The following PHAF1 variants were observed in gnomAD, a reference collection of about 807,000 sequenced individuals.
PHAF1 encodes the protein phagosome assembly factor 1.
PHAF1 carries 23 observed loss-of-function variants against 63.1 expected under a neutral mutation model. That is an observed-to-expected ratio of 0.36 (90% CI 0.26 to 0.52). The LOEUF is 0.52. PHAF1 is among the 20% of genes least tolerant of loss of function. The pLI, the probability that PHAF1 is intolerant of heterozygous loss-of-function variation, is 0.93. For synonymous variants in PHAF1, 167 were observed against 185.0 expected, an observed-to-expected ratio of 0.90 and a Z score of 0.79; for missense variants, 427 against 517.2, an observed-to-expected ratio of 0.83 and a Z score of 1.69.
chr16:67,126,691 C>A (rs1304350560), intron 3 of PHAF1, among the ~76,000 whole-genome samples: 4 of 149,332 alleles, frequency 2.7e-5, no homozygotes, highest in South Asian at 2.1e-4. Context: ...TGGGTTCAAG[C>A]GATTCTTCTG....
chr16:67,141,467 A>T (rs922596073), intron 10 of PHAF1, among the ~76,000 whole-genome samples: 1 of 152,060 alleles, frequency 6.6e-6, no homozygotes, highest in Non-Finnish European at 1.5e-5. Flanking sequence ...CTTTGCCCCA[A>T]TTTTTGCTTG....
intron 2 of PHAF1, among the ~76,000 whole-genome samples, chr16:67,125,524 T>C (rs1173592488): frequency 4.6e-5 from 7 of 152,214 alleles, no homozygotes; most frequent in African/African-American, 1.7e-4. Context: ...GTTCAGCTGA[T>C]AGGCATAAGC....
chr16:67,146,266 C>T lies in PHAF1; in HGVS notation c.1110-12C>T. 2 of 1,612,038 alleles carry T rather than the reference C, an allele frequency of 1.2e-6. No homozygotes were observed. Among genetic ancestry groups the T allele is most frequent in the Non-Finnish European group, 1.7e-6 (2 of 1,178,180 alleles). On this transcript the variant is annotated splice_polypyrimidine_tract_variant and intron_variant, in intron 14 of 15. Transcript: ENST00000219139. ...CTGTCTGCCTCTCTAATTCTGAATTCTTTGGCCTCAGGTCTTCCTCCCCAA... is the reference window on the plus strand; with the variant it reads ...CTGTCTGCCTCTCTAATTCTGAATTTTTTGGCCTCAGGTCTTCCTCCCCAA...
chr16:67,147,436 C>T lies in PHAF1; in HGVS notation c.*305C>T. On this transcript the variant is annotated 3_prime_UTR_variant, in exon 16 of 16. Transcript: ENST00000219139. ...TAACAAGGAGGCAGGAGAGGTCAAC[C>T]CTTGTCCCATGCACATTGGGAAGAC... 2.6e-6 allele frequency: 1 copy of T among 391,100 alleles called. No homozygotes were observed. The allele number at this position is 391,100 out of a possible 1,614,324, so 24.2% of individuals were successfully genotyped here.
rs1963392480 is a variant in PHAF1, at chr16:67,131,344, C to G, written c.275+15C>G. The G allele has an allele frequency of 6.4e-7, 1 of 1,563,852 alleles. No homozygotes were observed. Among genetic ancestry groups the G allele is most frequent in the Middle Eastern group, 1.7e-4 (1 of 5,970 alleles). On this transcript the variant is annotated intron_variant, in intron 4 of 15. Transcript: ENST00000219139. Reference sequence around the variant, plus strand: ...TTAAAATATTGGTAAGTTTTCTCCCCTGCTGGTATATGTCACACTTGGTAT... The same window carrying G: ...TTAAAATATTGGTAAGTTTTCTCCCGTGCTGGTATATGTCACACTTGGTAT...
intron 6 of PHAF1, among the ~76,000 whole-genome samples, chr16:67,133,584 C>T (rs1339749156): frequency 6.6e-6 from 1 of 151,512 alleles, no homozygotes; most frequent in Non-Finnish European, 1.5e-5. Flanking sequence ...AGGCGGGCCT[C>T]CTGGCTAACA....
At chr16:67,119,752 G>A (rs1962899674) in intron 1 of PHAF1, among the ~76,000 whole-genome samples, 1 of 146,566 alleles carries the variant, frequency 6.8e-6, no homozygotes. Flanking sequence ...GGTTTCAAAT[G>A]CCTGACCTCA....
chr16:67,113,616 A>AT (rs1962615452), intron 1 of PHAF1, among the ~76,000 whole-genome samples: 1 of 150,952 alleles, frequency 6.6e-6, no homozygotes, highest in African/African-American at 2.4e-5. Context: ...CGCCCAGCTA[A>AT]TTTTTTGTAT....
chr16:67,128,140 G>C (rs1388754757), intron 3 of PHAF1, among the ~76,000 whole-genome samples: 1 of 152,132 alleles, frequency 6.6e-6, no homozygotes. Context: ...AAAACCGAGG[G>C]ACAGAGAGGA....
intron 10 of PHAF1, among the ~76,000 whole-genome samples, chr16:67,142,101 G>T (rs1024651500): frequency 1.3e-5 from 2 of 152,210 alleles, no homozygotes; most frequent in Admixed American, 6.5e-5. Context: ...AGCTCTTTCT[G>T]CAGGCAGGTC....
chr16:67,124,622 G>A (rs1270227185), intron 2 of PHAF1, among the ~76,000 whole-genome samples: 1 of 152,184 alleles, frequency 6.6e-6, no homozygotes, highest in Non-Finnish European at 1.5e-5. Context: ...AGTGGCTCAC[G>A]CCTGTAATCC....
chr16:67,131,200 T>TTTTA, intron 3 of PHAF1, 86 bp from the exon 4 acceptor site: 5 of 522,244 alleles, frequency 9.6e-6, no homozygotes, highest in South Asian at 3.3e-5. Context: ...TTTTTTTTTT[T>TTTTA]ACTATTTATT....
At chr16:67,127,919 T>G (rs2080905962) in intron 3 of PHAF1, among the ~76,000 whole-genome samples, 1 of 152,138 alleles carries the variant, frequency 6.6e-6, no homozygotes, top group African/African-American at 2.4e-5. Context: ...TGGGGGAAGG[T>G]AACGGTATTT....
At chr16:67,137,033 T>G (rs1963634719) in intron 8 of PHAF1, among the ~76,000 whole-genome samples, 1 of 151,916 alleles carries the variant, frequency 6.6e-6, no homozygotes, top group Non-Finnish European at 1.5e-5. Context: ...CAGGCGCCTG[T>G]AGTTCCAGCT....
rs2145881098 is a variant in PHAF1 at position 67,139,973 on chromosome 16, G to GT, written c.662-5dup. ...CATAACCTGACAACCTCTCTGTCTT[G>GT]TTTTTTGCAGGTTGTGGACCTGGCC... On this transcript the variant is annotated splice_polypyrimidine_tract_variant and intron_variant, in intron 8 of 15. Coordinates refer to ENST00000219139, the MANE Select transcript of PHAF1 (RefSeq NM_025187.5). The GT allele has an allele frequency of 1.2e-6, 2 of 1,613,996 alleles. No individual in the cohort carries two copies. The highest frequency in any genetic ancestry group is 1.7e-6 in the Non-Finnish European group (2 of 1,179,976).
chr16:67,110,964 A>G (rs1962488862), intron 1 of PHAF1, among the ~76,000 whole-genome samples: 1 of 152,056 alleles, frequency 6.6e-6, no homozygotes. Flanking sequence ...GGCACGCGCC[A>G]CCACACCCGG....
At chr16:67,147,013 C>T in intron 15 of PHAF1, 32 bp from the exon 16 acceptor site, 2 of 1,570,044 alleles carry the variant, frequency 1.3e-6, no homozygotes, top group Non-Finnish European at 1.8e-6. Flanking sequence ...TTTACCTCTC[C>T]CCCTTGACCC....
chr16:67,145,893 C>A (rs762169465), intron 14 of PHAF1, among the ~76,000 whole-genome samples: 5 of 152,160 alleles, frequency 3.3e-5, no homozygotes, highest in Non-Finnish European at 5.9e-5. Flanking sequence ...CTCAGTTATT[C>A]AATAAGGAAG....
intron 1 of PHAF1, among the ~76,000 whole-genome samples, chr16:67,115,566 C>G (rs1962701823): frequency 6.6e-6 from 1 of 152,180 alleles, no homozygotes; most frequent in Admixed American, 6.5e-5. Flanking sequence ...AATGGGAAGC[C>G]ATTGAGAGGT....
Sources: gnomAD v4.1 joint callset for allele counts (sites outside exome capture counted in the v4.1 genomes callset) on GRCh38, gnomAD v4.1.1 for gene constraint, MANE v1.5 for transcripts, NCBI Gene and HGNC (gene_info 2026-07-23, HGNC 2026-07-21) for gene names.